PRKCH: variants seen among roughly 807,000 people sequenced by gnomAD.
The protein encoded by PRKCH is protein kinase C eta.
A neutral mutation model predicts 82.5 loss-of-function variants in PRKCH; 28 were observed. The observed-to-expected ratio is 0.34, with a 90% CI of 0.25 to 0.47. PRKCH has a LOEUF of 0.47. PRKCH is among the 20% of genes least tolerant of loss of function. PRKCH has a pLI of 1.00. For synonymous variants in PRKCH, 322 were observed against 327.4 expected, an observed-to-expected ratio of 0.98 and a Z score of 0.18; for missense variants, 705 against 881.8, an observed-to-expected ratio of 0.80 and a Z score of 2.54.
At chr14:61,313,071 C>T (rs2045537232) in intron 1 of PRKCH, among the ~76,000 whole-genome samples, 1 of 152,004 alleles carries the variant, frequency 6.6e-6, no homozygotes, top group Non-Finnish European at 1.5e-5. Context: ...TTGAAAAATC[C>T]AAGTATGATG....
chr14:61,291,605 C>T (rs559173599), intron 1 of PRKCH, among the ~76,000 whole-genome samples: 13 of 152,226 alleles, frequency 8.5e-5, no homozygotes, highest in African/African-American at 3.1e-4. Context: ...GCTGGGATTA[C>T]AGGCGTGAGC....
intron 1 of PRKCH, among the ~76,000 whole-genome samples, chr14:61,240,006 A>C (rs2044822409): frequency 6.6e-6 from 1 of 152,230 alleles, no homozygotes; most frequent in Non-Finnish European, 1.5e-5. Context: ...CCAGCAAACC[A>C]ACTGTCCAGG....
intron 1 of PRKCH, among the ~76,000 whole-genome samples, chr14:61,268,804 A>G (rs1342975967): frequency 1.3e-5 from 2 of 152,198 alleles, no homozygotes; most frequent in Non-Finnish European, 2.9e-5. Context: ...AGCAATTCAT[A>G]GAATGCTAAC....
chr14:61,307,660 C>T lies in PRKCH; in HGVS notation c.-19+119992C>T, dbSNP rs562831787. The stretch of plus-strand genomic sequence containing the variant: ...CAAATGGACCCATTTTTCCTGTGTT[C>T]GTCTGGCCCATCTTATTACAATGCT... On this transcript the variant is annotated intron_variant, in intron 1 of 3. Transcript: ENST00000555185. Among the ~76,000 whole-genome samples, 21 of 152,198 alleles carry T rather than the reference C, an allele frequency of 1.4e-4. 2 individuals are homozygous for T. The South Asian group carries it at 4.2e-3, about 30-fold the overall frequency.
chr14:61,471,452 G>T (rs1885499721), intron 9 of PRKCH, among the ~76,000 whole-genome samples: 1 of 151,910 alleles, frequency 6.6e-6, no homozygotes, highest in African/African-American at 2.4e-5. Context: ...CTGGCCAATC[G>T]CAATTAAAAC....
At chr14:61,516,024 A>G (rs1309021792) in intron 10 of PRKCH, among the ~76,000 whole-genome samples, 2 of 152,198 alleles carry the variant, frequency 1.3e-5, no homozygotes, top group African/African-American at 2.4e-5. Flanking sequence ...AACTTGCCCA[A>G]GATCACACAG....
In PRKCH at chr14:61,530,647, T is replaced by G. The variant is rs547066056; in HGVS notation, c.1761+52T>G. 4 of 1,520,770 alleles carry G rather than the reference T, an allele frequency of 2.6e-6. No homozygotes were observed. In the African/African-American group the frequency reaches 4.1e-5, roughly 16 times the overall value. 94.2% of individuals were successfully genotyped at this position (1,520,770 alleles called of 1,614,324 possible). ...CTGATGTATTGCAAACCAGCTTGTT[T>G]CATGTGCTGCTTGAGTCTTTTCAGT... On this transcript the variant is annotated intron_variant, in intron 12 of 13. Coordinates refer to ENST00000332981, the MANE Select transcript of PRKCH (RefSeq NM_006255.5).
chr14:61,215,783 A>G (rs553849741), intron 1 of PRKCH, among the ~76,000 whole-genome samples: 5 of 152,308 alleles, frequency 3.3e-5, no homozygotes, highest in South Asian at 4.2e-4. Flanking sequence ...CTATGTTGCA[A>G]TAAAGCGTTG....
chr14:61,428,565 G>A (rs1330285754), intron 2 of PRKCH, among the ~76,000 whole-genome samples: 3 of 152,166 alleles, frequency 2.0e-5, no homozygotes, highest in Non-Finnish European at 4.4e-5. Context: ...CATATAACCA[G>A]TCTCTACCAG....
intron 10 of PRKCH, 186 bp from the exon 11 acceptor site, chr14:61,528,889 C>T (rs1347378502): frequency 4.2e-6 from 2 of 474,802 alleles, no homozygotes; most frequent in African/African-American, 4.1e-5. Context: ...GAGACTTGAT[C>T]TAAATGTGTC....
At chr14:61,329,236 T>TA (rs953309023) in intron 1 of PRKCH, among the ~76,000 whole-genome samples, 1 of 107,218 alleles carries the variant, frequency 9.3e-6, no homozygotes, top group African/African-American at 3.7e-5. Flanking sequence ...TCCTGAGTCT[T>TA]TTTTTTTTTT....
At chr14:61,465,982 T>A (rs1306522739) in intron 9 of PRKCH, among the ~76,000 whole-genome samples, 1 of 152,144 alleles carries the variant, frequency 6.6e-6, no homozygotes, top group Non-Finnish European at 1.5e-5. Flanking sequence ...CTAAAATCTA[T>A]CACAGAAAAT....
intron 10 of PRKCH, among the ~76,000 whole-genome samples, chr14:61,526,468 A>G (rs1262027586): frequency 6.6e-6 from 1 of 152,230 alleles, no homozygotes; most frequent in Non-Finnish European, 1.5e-5. Context: ...TTCCTGGAAT[A>G]CCAGACTTGG....
chr14:61,450,792 G>A, intron 5 of PRKCH, 50 bp from the exon 6 acceptor site: 1 of 1,593,334 alleles, frequency 6.3e-7, no homozygotes, highest in Non-Finnish European at 8.6e-7. Context: ...TTTTACAAAG[G>A]ACATTGGTAT....
At chr14:61,467,073 T>G (rs1370128607) in intron 9 of PRKCH, among the ~76,000 whole-genome samples, 1 of 152,168 alleles carries the variant, frequency 6.6e-6, no homozygotes, top group Admixed American at 6.5e-5. Flanking sequence ...GTTGTTGTAT[T>G]AAATATTAGC....
chr14:61,501,165 T>A (rs1886889134), intron 10 of PRKCH, among the ~76,000 whole-genome samples: 1 of 152,194 alleles, frequency 6.6e-6, no homozygotes, highest in Non-Finnish European at 1.5e-5. Flanking sequence ...TTCATGTGGC[T>A]TGCTTATTCC....
intron 10 of PRKCH, among the ~76,000 whole-genome samples, chr14:61,492,936 G>T (rs956716179): frequency 5.9e-5 from 9 of 152,218 alleles, no homozygotes; most frequent in Non-Finnish European, 1.2e-4. Flanking sequence ...TAAGGAGGGT[G>T]TTTAGGTAGG....
intron 10 of PRKCH, among the ~76,000 whole-genome samples, chr14:61,495,439 T>C (rs17098571): frequency 0.041 from 6,303 of 152,298 alleles, 410 homozygotes; most frequent in African/African-American, 0.15. Flanking sequence ...AATTGCTTCA[T>C]TATAATTACA....
chr14:61,253,976 C>T (rs1156808170), intron 1 of PRKCH, among the ~76,000 whole-genome samples: 4 of 125,966 alleles, frequency 3.2e-5, no homozygotes, highest in Non-Finnish European at 6.6e-5. Context: ...CCCTCCCTCC[C>T]TCCTCCCTCC....
Sources: gnomAD v4.1 joint callset for allele counts (sites outside exome capture counted in the v4.1 genomes callset) on GRCh38, gnomAD v4.1.1 for gene constraint, MANE v1.5 for transcripts, NCBI Gene and HGNC (gene_info 2026-07-23, HGNC 2026-07-21) for gene names.